The following CAMK1D variants were observed in gnomAD, a reference collection of about 807,000 sequenced individuals.
The protein encoded by CAMK1D is calcium/calmodulin-dependent protein kinase type 1D.
Under a neutral mutation model 47.7 loss-of-function variants are expected in CAMK1D, and 9 were observed. The observed-to-expected ratio is 0.19, with a 90% CI of 0.11 to 0.33. The LOEUF (loss-of-function observed/expected upper bound fraction) is 0.33. CAMK1D is among the 10% of genes least tolerant of loss of function. CAMK1D has a pLI of 1.00. For synonymous variants in CAMK1D, 184 were observed against 184.9 expected, an observed-to-expected ratio of 0.99 and a Z score of 0.04; for missense variants, 291 against 488.7, an observed-to-expected ratio of 0.60 and a Z score of 3.81.
At chr10:12,764,845 C>T (rs565930200) in intron 4 of CAMK1D, among the ~76,000 whole-genome samples, 1 of 152,290 alleles carries the variant, frequency 6.6e-6, no homozygotes, top group African/African-American at 2.4e-5. Context: ...CCTGTAATCC[C>T]AGCACATTGG....
chr10:12,748,226 G>A (rs1835773575), intron 3 of CAMK1D, among the ~76,000 whole-genome samples: 1 of 152,200 alleles, frequency 6.6e-6, no homozygotes, highest in Non-Finnish European at 1.5e-5. Context: ...AGCATGCTTA[G>A]TGTCTTTCAG....
intron 3 of CAMK1D, among the ~76,000 whole-genome samples, chr10:12,753,585 G>A (rs1405828721): frequency 6.6e-6 from 1 of 152,196 alleles, no homozygotes; most frequent in Non-Finnish European, 1.5e-5. Flanking sequence ...TGGGATCTTA[G>A]AACGGGCTGC....
chr10:12,488,774 G>A (rs1017141713), intron 1 of CAMK1D, among the ~76,000 whole-genome samples: 5 of 152,024 alleles, frequency 3.3e-5, no homozygotes, highest in African/African-American at 7.3e-5. Flanking sequence ...CCTCGCGTGC[G>A]CAGTTCACAA....
At chr10:12,401,971 T>C (rs1428183031) in intron 1 of CAMK1D, among the ~76,000 whole-genome samples, 3 of 151,638 alleles carry the variant, frequency 2.0e-5, no homozygotes, top group Non-Finnish European at 4.4e-5. Context: ...TCTCCGCTCA[T>C]TGCAACCTCC....
At chr10:12,517,729 TGTG>T (rs1049185013) in intron 1 of CAMK1D, among the ~76,000 whole-genome samples, 1 of 113,158 alleles carries the variant, frequency 8.8e-6, no homozygotes, top group Non-Finnish European at 2.0e-5. Context: ...ATCACGTAGT[TGTG>T]GTGTATTTTT....
chr10:12,616,699 A>G (rs1838834221), intron 2 of CAMK1D, among the ~76,000 whole-genome samples: 1 of 152,070 alleles, frequency 6.6e-6, no homozygotes, highest in African/African-American at 2.4e-5. Flanking sequence ...TTCTATTTGT[A>G]GTAGACACGG....
chr10:12,762,213 T>G (rs1403642943), intron 4 of CAMK1D, among the ~76,000 whole-genome samples: 1 of 152,310 alleles, frequency 6.6e-6, no homozygotes, highest in East Asian at 1.9e-4. Context: ...CAGAGCTTAC[T>G]GCACCAGTCA....
chr10:12,605,335 CAA>C (rs1491453248), intron 2 of CAMK1D, among the ~76,000 whole-genome samples: 2 of 49,928 alleles, frequency 4.0e-5, no homozygotes, highest in African/African-American at 5.3e-5. Context: ...AGAAACCATT[CAA>C]GTGTGTGTGT....
At chr10:12,365,694 T>C (rs1837812270) in intron 1 of CAMK1D, among the ~76,000 whole-genome samples, 1 of 152,044 alleles carries the variant, frequency 6.6e-6, no homozygotes, top group African/African-American at 2.4e-5. Context: ...TGCCTCGGCC[T>C]CCCAAAGTGC....
At chr10:12,630,297 T>C (rs1355834395) in intron 2 of CAMK1D, among the ~76,000 whole-genome samples, 2 of 151,598 alleles carry the variant, frequency 1.3e-5, no homozygotes, top group Non-Finnish European at 2.9e-5. Flanking sequence ...ATCCCCCTTC[T>C]GCCCACCCCC....
At position 12,830,321 on chromosome 10, in the gene CAMK1D, G is replaced by T. The variant is rs1234035760; in HGVS notation, c.*1434G>T. 6.6e-6 allele frequency: 1 copy of T among 152,172 alleles called. No individual in the cohort carries two copies. Among genetic ancestry groups the T allele is most frequent in the Non-Finnish European group, 1.5e-5 (1 of 68,046 alleles). 9.4% of individuals were successfully genotyped at this position (152,172 alleles called of 1,614,324 possible). A position where few individuals can be genotyped will look rare whatever the true frequency, so the allele number is the denominator to read the frequency against. ...GGAAGGAAGGGAGGGAAGCAGCCTT[G>T]GGAAAGGATCCATTTCTGGTGGTAA... On this transcript the variant is annotated 3_prime_UTR_variant, in exon 11 of 11. Transcript: ENST00000619168.
intron 2 of CAMK1D, among the ~76,000 whole-genome samples, chr10:12,632,393 G>A (rs556984900): frequency 2.0e-5 from 3 of 152,192 alleles, no homozygotes; most frequent in South Asian, 2.1e-4. Context: ...AAGAGGGCCC[G>A]TGGCTGGAGC....
At chr10:12,820,497 T>C (rs1832976250) in intron 8 of CAMK1D, among the ~76,000 whole-genome samples, 1 of 152,196 alleles carries the variant, frequency 6.6e-6, no homozygotes, top group South Asian at 2.1e-4. Context: ...GCTGGCAGAA[T>C]ATGGAGTCAT....
At chr10:12,654,438 A>G (rs184266117) in intron 2 of CAMK1D, among the ~76,000 whole-genome samples, 1 of 152,310 alleles carries the variant, frequency 6.6e-6, no homozygotes, top group Admixed American at 6.5e-5. Context: ...TTTCATGTTT[A>G]AAATGCCCAC....
chr10:12,695,079 C>G (rs200894697), intron 3 of CAMK1D, among the ~76,000 whole-genome samples: 2 of 95,264 alleles, frequency 2.1e-5, no homozygotes, highest in African/African-American at 6.8e-5. Context: ...TAGGTAGATA[C>G]ATAGATACAT....
At chr10:12,465,069 G>A (rs892796803) in intron 1 of CAMK1D, among the ~76,000 whole-genome samples, 53 of 152,264 alleles carry the variant, frequency 3.5e-4, no homozygotes, top group East Asian at 1.5e-3. Flanking sequence ...GGGTTTGTCC[G>A]TCACCCATAA....
intron 3 of CAMK1D, among the ~76,000 whole-genome samples, chr10:12,677,189 ATATTG>A (rs1296522151): frequency 1.3e-5 from 2 of 152,172 alleles, no homozygotes; most frequent in Non-Finnish European, 2.9e-5. Context: ...TGTCGTGTGG[ATATTG>A]TATTCATAAT....
Position 12,828,924 on chromosome 10 carries a change from G to T in CAMK1D, c.*37G>T, listed in dbSNP as rs375304479. ...GGTGGGGCCCGGGGTCGGGGCTGGG[G>T]AAGGGGAGCCCCAGGGTCGCCAGAG... On this transcript the variant is annotated 3_prime_UTR_variant, in exon 11 of 11. Coordinates refer to ENST00000619168, the MANE Select transcript of CAMK1D (RefSeq NM_153498.4). 4.1e-6 allele frequency: 6 copies of T among 1,477,106 alleles called. No homozygotes were observed. In the African/African-American group the frequency reaches 7.0e-5, roughly 17 times the overall value. 91.5% of individuals were successfully genotyped at this position (1,477,106 alleles called of 1,614,324 possible). A position where few individuals can be genotyped will look rare whatever the true frequency, so the allele number is the denominator to read the frequency against.
chr10:12,734,970 A>C (rs1420670634), intron 3 of CAMK1D, among the ~76,000 whole-genome samples: 1 of 152,186 alleles, frequency 6.6e-6, no homozygotes, highest in Non-Finnish European at 1.5e-5. Context: ...GTAAATACTT[A>C]CTTGTTTCAC....
Sources: allele counts gnomAD v4.1 joint callset (sites outside exome capture counted in the v4.1 genomes callset), GRCh38; gene constraint gnomAD v4.1.1; transcripts MANE v1.5; gene names NCBI Gene and HGNC (gene_info 2026-07-23, HGNC 2026-07-21).